The following POU2F3 variants were observed in gnomAD, a reference collection of about 807,000 sequenced individuals.
POU2F3 encodes POU class 2 homeobox 3.
Under a neutral mutation model 59.2 loss-of-function variants are expected in POU2F3, and 23 were observed. The ratio of observed to expected loss-of-function variants is 0.39; its 90% CI spans 0.28 to 0.55. The LOEUF is 0.55. Among genes scored for constraint, POU2F3 ranks in the 20% least tolerant of loss-of-function variants. POU2F3 has a pLI of 0.66. For missense variants in POU2F3, 473 were observed against 544.5 expected (o/e 0.87, Z 1.31); for synonymous variants, 190 against 214.6 (o/e 0.89, Z 1.00).
upstream of POU2F3, chr11:120,240,139 G>A (rs1197303401): frequency 6.2e-5 from 74 of 1,189,742 alleles, no homozygotes; most frequent in Non-Finnish European, 7.5e-5. Context: ...CTCACCTGGG[G>A]AGTGTGGCAA....
chr11:120,290,501 C>T (rs1027430717), intron 3 of POU2F3, among the ~76,000 whole-genome samples: 16 of 152,296 alleles, frequency 1.1e-4, no homozygotes, highest in African/African-American at 3.8e-4. Flanking sequence ...AGGTGCCTCA[C>T]AGCATGGTAC....
chr11:120,300,390 C>T (rs1188066936), intron 5 of POU2F3, among the ~76,000 whole-genome samples: 8 of 152,244 alleles, frequency 5.3e-5, no homozygotes, highest in Admixed American at 2.6e-4. Context: ...GTTCCAGAAC[C>T]GTTTAGCTGA....
At chr11:120,239,748 G>A (rs990131746), upstream of POU2F3, among the ~76,000 whole-genome samples, 2 of 152,168 alleles carry the variant, frequency 1.3e-5, no homozygotes, top group Admixed American at 6.5e-5. Context: ...TAAGCGGTTG[G>A]GAGGCGAGAT....
chr11:120,291,290 A>G (rs531866218), intron 3 of POU2F3, among the ~76,000 whole-genome samples: 153 of 152,372 alleles, frequency 1.0e-3, no homozygotes, highest in African/African-American at 3.6e-3. Flanking sequence ...GACACGTGGC[A>G]GTGCAGTAGA....
intron 1 of POU2F3, among the ~76,000 whole-genome samples, chr11:120,245,706 C>T (rs1016820900): frequency 6.6e-6 from 1 of 152,174 alleles, no homozygotes; most frequent in Non-Finnish European, 1.5e-5. Flanking sequence ...TGAAGCAGGG[C>T]AGAGAGGCTG....
chr11:120,318,255 A>T (rs61898345), intron 12 of POU2F3, 98 bp from the exon 13 acceptor site: 1 of 1,152,664 alleles, frequency 8.7e-7, no homozygotes. Flanking sequence ...TATTACTCCT[A>T]CCTGCAAAAG....
At chr11:120,306,229 C>A (rs904027987) in intron 8 of POU2F3, among the ~76,000 whole-genome samples, 2 of 152,140 alleles carry the variant, frequency 1.3e-5, no homozygotes, top group African/African-American at 4.8e-5. Context: ...CTGGGTAGTT[C>A]TTGAGGAGGT....
chr11:120,310,454 A>C (rs1435308138), intron 10 of POU2F3, among the ~76,000 whole-genome samples: 23 of 152,200 alleles, frequency 1.5e-4, no homozygotes, highest in Admixed American at 1.5e-3. Flanking sequence ...GGCATCCAAG[A>C]GTGAGTATGA....
At chr11:120,294,043 G>C (rs1201608488) in intron 3 of POU2F3, among the ~76,000 whole-genome samples, 1 of 152,160 alleles carries the variant, frequency 6.6e-6, no homozygotes, top group African/African-American at 2.4e-5. Context: ...CTGGCTATGA[G>C]GGTAAAGCCA....
At chr11:120,302,694 A>T in intron 6 of POU2F3, 1 of 278,090 alleles carries the variant, frequency 3.6e-6, no homozygotes, top group Non-Finnish European at 6.8e-6. Context: ...CTTCTCAGGC[A>T]TACCAAGATG....
chr11:120,283,245 T>A (rs1014241802), intron 3 of POU2F3, among the ~76,000 whole-genome samples: 4 of 152,236 alleles, frequency 2.6e-5, no homozygotes, highest in African/African-American at 9.6e-5. Context: ...CCTGTCAGCT[T>A]GGAAGAGGGC....
intron 3 of POU2F3, among the ~76,000 whole-genome samples, chr11:120,280,614 CAG>C (rs560870381): frequency 2.7e-5 from 4 of 148,434 alleles, no homozygotes; most frequent in Non-Finnish European, 5.9e-5. Flanking sequence ...AGAGGACAGA[CAG>C]AGAGAGAGAG....
At chr11:120,317,984 G>A (rs1470250921) in intron 12 of POU2F3, among the ~76,000 whole-genome samples, 1 of 152,204 alleles carries the variant, frequency 6.6e-6, no homozygotes, top group African/African-American at 2.4e-5. Context: ...GAACCCAGCT[G>A]TCCAAATCCA....
At chr11:120,261,239 C>T (rs1027351041) in intron 2 of POU2F3, 1 of 151,452 alleles carries the variant, frequency 6.6e-6, no homozygotes, top group Non-Finnish European at 1.5e-5. Flanking sequence ...GGATCATTCC[C>T]CACATACCTG....
At chr11:120,260,989 CG>C (rs1324997317) in intron 2 of POU2F3, among the ~76,000 whole-genome samples, 1 of 151,832 alleles carries the variant, frequency 6.6e-6, no homozygotes, top group Non-Finnish European at 1.5e-5. Flanking sequence ...TTGCTTGAGC[CG>C]GGGAGGTCAA....
intron 10 of POU2F3, 84 bp from the exon 11 acceptor site, chr11:120,315,277 C>A: frequency 7.9e-7 from 1 of 1,262,650 alleles, no homozygotes; most frequent in Non-Finnish European, 1.2e-6. Context: ...TCTGTAGAGT[C>A]TGGGGCCTAC....
intron 1 of POU2F3, among the ~76,000 whole-genome samples, chr11:120,241,340 C>T (rs1262203651): frequency 6.6e-6 from 1 of 152,144 alleles, no homozygotes; most frequent in Non-Finnish European, 1.5e-5. Flanking sequence ...AGGGAGGAGG[C>T]AATGCTCCAG....
At chr11:120,276,767 C>T (rs1428204115) in intron 3 of POU2F3, among the ~76,000 whole-genome samples, 2 of 152,140 alleles carry the variant, frequency 1.3e-5, no homozygotes, top group Non-Finnish European at 2.9e-5. Context: ...GGTTTTGATG[C>T]CTGGCCACAA....
intron 3 of POU2F3, among the ~76,000 whole-genome samples, chr11:120,290,589 G>A (rs1940985216): frequency 6.6e-6 from 1 of 152,122 alleles, no homozygotes; most frequent in African/African-American, 2.4e-5. Context: ...TGTGATGTTG[G>A]GAATGTTGCT....
Sources: allele counts gnomAD v4.1 joint callset (sites outside exome capture counted in the v4.1 genomes callset), GRCh38; gene constraint gnomAD v4.1.1; transcripts MANE v1.5; gene names NCBI Gene and HGNC (gene_info 2026-07-23, HGNC 2026-07-21).